Variants in CORO7 observed in about 807,000 individuals in gnomAD.
CORO7 encodes the protein coronin 7.
CORO7 carries 107 observed loss-of-function variants against 126.6 expected under a neutral mutation model. That is an observed-to-expected ratio of 0.85 (90% CI 0.72 to 0.99). CORO7 has a LOEUF of 0.99. Among genes scored for constraint, CORO7 ranks in the 50% least tolerant of loss-of-function variants. The probability of loss-of-function intolerance (pLI) is 0.00; values close to 1 mark genes in which losing one functional copy is unlikely to be tolerated. For synonymous variants in CORO7, 603 were observed against 536.8 expected, an observed-to-expected ratio of 1.12 and a Z score of -1.70; for missense variants, 1,314 against 1,255.8, an observed-to-expected ratio of 1.05 and a Z score of -0.70.
chr16:4,403,512 C>A (rs1358582929), intron 6 of CORO7, among the ~76,000 whole-genome samples: 1 of 152,166 alleles, frequency 6.6e-6, no homozygotes, highest in Non-Finnish European at 1.5e-5. Flanking sequence ...CCACGACCCA[C>A]TTAGGAAATG....
At position 4,382,993 on chromosome 16, in the gene CORO7, A is replaced by G. The variant is rs1039321554; in HGVS notation, c.785+4993T>C. The G allele has an allele frequency of 4.5e-6, 6 of 1,322,302 alleles. No individual in the cohort carries two copies. In the African/African-American group the frequency reaches 6.0e-5, roughly 13 times the overall value. 81.9% of individuals were successfully genotyped at this position (1,322,302 alleles called of 1,614,324 possible). On this transcript the variant is annotated intron_variant, in intron 9 of 27. Coordinates refer to ENST00000251166, the MANE Select transcript of CORO7 (RefSeq NM_024535.5). ...CACACCACGTAAGTTCTCAGTCCCAACCTCGGGGATGTGTGCAGACAGGGC... is the reference window on the plus strand; with the variant it reads ...CACACCACGTAAGTTCTCAGTCCCAGCCTCGGGGATGTGTGCAGACAGGGC...
At chr16:4,381,380 T>C in intron 9 of CORO7, 1 of 1,585,408 alleles carries the variant, frequency 6.3e-7, no homozygotes. Flanking sequence ...CCGCTGCGCC[T>C]GCCCCGCCTG....
At chr16:4,364,217 C>A in intron 14 of CORO7, 59 bp downstream of exon 14, 1 of 1,455,284 alleles carries the variant, frequency 6.9e-7, no homozygotes, top group Non-Finnish European at 9.0e-7. Flanking sequence ...AGCCGGTGAA[C>A]ACTCAGGGCA....
At chr16:4,413,914 G>C (rs113801181) in intron 1 of CORO7, among the ~76,000 whole-genome samples, 367 of 151,814 alleles carry the variant, frequency 2.4e-3, no homozygotes, top group African/African-American at 8.5e-3. Flanking sequence ...GGCCAGGTGC[G>C]GTGGTTCATG....
intron 7 of CORO7, among the ~76,000 whole-genome samples, chr16:4,393,042 C>T (rs1429965516): frequency 6.6e-6 from 1 of 152,242 alleles, no homozygotes; most frequent in Admixed American, 6.5e-5. Context: ...CCGCCCCAGC[C>T]CTGCTGGAAG....
chr16:4,358,246 G>T, intron 24 of CORO7, 121 bp downstream of exon 24: 13 of 1,530,554 alleles, frequency 8.5e-6, no homozygotes, highest in Non-Finnish European at 1.1e-5. Context: ...CAGCAGAAGG[G>T]GGTAGGTGTC....
intron 9 of CORO7, among the ~76,000 whole-genome samples, chr16:4,385,972 T>G (rs995054736): frequency 6.6e-6 from 1 of 152,224 alleles, no homozygotes; most frequent in African/African-American, 2.4e-5. Context: ...CTCCAGACTT[T>G]CCATGCTCAG....
chr16:4,359,849 C>T (rs1311001173), intron 21 of CORO7, among the ~76,000 whole-genome samples: 6 of 151,506 alleles, frequency 4.0e-5, no homozygotes, highest in Non-Finnish European at 8.8e-5. Flanking sequence ...TGCCTCACCG[C>T]CCCTGCTTCC....
At chr16:4,412,824 C>T (rs976284982) in intron 2 of CORO7, 2 of 270,308 alleles carry the variant, frequency 7.4e-6, no homozygotes, top group Admixed American at 9.7e-5. Flanking sequence ...ACATGTGAGC[C>T]TTTGGGCACC....
At position 4,355,017 on chromosome 16, in the gene CORO7, G is replaced by A. The variant is rs118010193; in HGVS notation, c.*141C>T. The A allele has an allele frequency of 0.034, 30,658 of 905,264 alleles. 681 individuals are homozygous for A. The highest frequency in any genetic ancestry group is 0.049 in the South Asian group (2,052 of 41,466). The allele number at this position is 905,264 out of a possible 1,614,324, so 56.1% of individuals were successfully genotyped here. ...GGGAACTGCCAGAGGCCCAGAGGAT[G>A]TGGAAGTGCCCACGGGAAGGCAGGA... is the stretch of plus-strand genomic sequence containing the variant. On this transcript the variant is annotated 3_prime_UTR_variant, in exon 28 of 28. Transcript: ENST00000251166.
intron 6 of CORO7, among the ~76,000 whole-genome samples, chr16:4,402,741 C>T (rs1056625210): frequency 6.6e-6 from 1 of 152,222 alleles, no homozygotes; most frequent in Non-Finnish European, 1.5e-5. Flanking sequence ...CGGAGAGGAA[C>T]TGGGCTGCAG....
chr16:4,389,588 T>C (rs1430725102), intron 7 of CORO7, among the ~76,000 whole-genome samples: 4 of 152,134 alleles, frequency 2.6e-5, no homozygotes, highest in Non-Finnish European at 4.4e-5. Flanking sequence ...CGGCTCCAGG[T>C]CCCGTCCTTC....
intron 9 of CORO7, among the ~76,000 whole-genome samples, chr16:4,372,866 C>T (rs1173781856): frequency 6.6e-6 from 1 of 152,156 alleles, no homozygotes; most frequent in African/African-American, 2.4e-5. Context: ...GTCTAGGTGT[C>T]CCCATGCCTG....
chr16:4,361,761 C>A (rs1330325960), intron 16 of CORO7: 3 of 837,436 alleles, frequency 3.6e-6, no homozygotes, highest in East Asian at 2.6e-5. Context: ...AGCTGTGTGA[C>A]CCGGGCAGGT....
At position 4,387,672 on chromosome 16, in the gene CORO7, G is replaced by A. The variant is rs1307748143; in HGVS notation, c.785+314C>T. The A allele has an allele frequency of 7.5e-6, 3 of 398,504 alleles. No homozygotes were observed. In the East Asian group the frequency reaches 1.2e-4, roughly 16 times the overall value. The allele number at this position is 398,504 out of a possible 1,614,324, so 24.7% of individuals were successfully genotyped here. A position where few individuals can be genotyped will look rare whatever the true frequency, so the allele number is the denominator to read the frequency against. ...CCACAGAAAAATGAAGCGTATTCTTGCACTTCTGGATCACACCCTCTCCCT... is the reference window on the plus strand; with the variant it reads ...CCACAGAAAAATGAAGCGTATTCTTACACTTCTGGATCACACCCTCTCCCT... On this transcript the variant is annotated intron_variant, in intron 9 of 27. Coordinates refer to ENST00000251166, the MANE Select transcript of CORO7 (RefSeq NM_024535.5).
At chr16:4,398,468 C>T (rs986526982) in intron 6 of CORO7, among the ~76,000 whole-genome samples, 13 of 152,028 alleles carry the variant, frequency 8.6e-5, no homozygotes, top group African/African-American at 2.7e-4. Flanking sequence ...GAGCTCGAGA[C>T]GAGCCTGGCC....
chr16:4,359,689 G>A (rs1404735684), intron 21 of CORO7, 68 bp from the exon 22 acceptor site: 24 of 1,517,878 alleles, frequency 1.6e-5, no homozygotes, highest in East Asian at 6.8e-5. Context: ...GGGAGAAGGC[G>A]CCCACGTAGC....
intron 9 of CORO7, chr16:4,382,603 C>T: frequency 1.9e-6 from 3 of 1,589,518 alleles, no homozygotes; most frequent in Non-Finnish European, 2.6e-6. Flanking sequence ...CAACCTGCCG[C>T]TCCTCATTGC....
At chr16:4,388,656 G>T (rs1004032427) in intron 7 of CORO7, 25 bp from the exon 8 acceptor site, 1 of 1,601,596 alleles carries the variant, frequency 6.2e-7, no homozygotes, top group African/African-American at 1.3e-5. Context: ...AGGTGGACCT[G>T]AGCCCCCAGG....
Sources: allele counts gnomAD v4.1 joint callset (sites outside exome capture counted in the v4.1 genomes callset), GRCh38; gene constraint gnomAD v4.1.1; transcripts MANE v1.5; gene names NCBI Gene and HGNC (gene_info 2026-07-23, HGNC 2026-07-21).